The following ZNF440 variants were observed in gnomAD, a reference collection of about 807,000 sequenced individuals.
ZNF440 encodes zinc finger protein 440.
Under a neutral mutation model 49.7 loss-of-function variants are expected in ZNF440, and 47 were observed. The ratio of observed to expected loss-of-function variants is 0.95; its 90% CI spans 0.75 to 1.21. The LOEUF (loss-of-function observed/expected upper bound fraction) is 1.21, where lower values mean the gene tolerates loss of function less well. ZNF440 is among the 50% of genes most tolerant of loss of function. ZNF440 has a pLI of 0.00. For missense variants in ZNF440, 703 were observed against 715.0 expected (o/e 0.98, Z 0.19); for synonymous variants, 255 against 237.7 (o/e 1.07, Z -0.67).
At chr19:11,825,375 A>G (rs569432929) in intron 1 of ZNF440, among the ~76,000 whole-genome samples, 2 of 152,280 alleles carry the variant, frequency 1.3e-5, no homozygotes, top group East Asian at 3.9e-4. Context: ...ACTATGTGTC[A>G]TGTATCCACC....
At chr19:11,823,917 A>G (rs1975829193) in intron 1 of ZNF440, among the ~76,000 whole-genome samples, 1 of 152,120 alleles carries the variant, frequency 6.6e-6, no homozygotes, top group Non-Finnish European at 1.5e-5. Context: ...AGCCAAGATC[A>G]CACCACTGCA....
Position 11,831,902 on chromosome 19 carries a change from C to G in ZNF440, c.726C>G (p.Thr242=), listed in dbSNP as rs1326495518. The G allele has an allele frequency of 6.2e-6, 10 of 1,613,544 alleles. No individual in the cohort carries two copies. The change falls in exon 4 of 4, where the codon ACC becomes ACG. Residue 242 remains threonine, a synonymous_variant. Transcript: ENST00000304060. ...GTAAATCCTTTAGTTATTCTGCTACCCATCGAATACATAAAAGAACTCACA... is the reference window on the plus strand; with the variant it reads ...GTAAATCCTTTAGTTATTCTGCTACGCATCGAATACATAAAAGAACTCACA... The part of the protein sequence containing the change: ...QCGKSFSYSA[T]HRIHKRTHTG...
chr19:11,819,475 C>T (rs568105338), intron 1 of ZNF440, among the ~76,000 whole-genome samples: 6 of 152,204 alleles, frequency 3.9e-5, no homozygotes, highest in South Asian at 4.1e-4. Context: ...CTGGGCCCAC[C>T]GCAGCCTCTG....
At chr19:11,826,158 A>C (rs938368180) in intron 1 of ZNF440, among the ~76,000 whole-genome samples, 1 of 152,044 alleles carries the variant, frequency 6.6e-6, no homozygotes, top group Middle Eastern at 3.2e-3. Context: ...TATTGTACGG[A>C]TGTTACCATA....
rs558027434 is a variant in ZNF440 at position 11,833,376 on chromosome 19, A to G, written c.*412A>G. Reference sequence around the variant, plus strand: ...ATATCTGCCAAGATCCTTTGAATACATGCAAGAACACACAATGGAGAGAAA... The same window carrying G: ...ATATCTGCCAAGATCCTTTGAATACGTGCAAGAACACACAATGGAGAGAAA... On this transcript the variant is annotated 3_prime_UTR_variant, in exon 4 of 4. Transcript: ENST00000304060. 24 of 435,534 alleles carry G rather than the reference A, an allele frequency of 5.5e-5. No homozygotes were observed. In the East Asian group the frequency reaches 1.2e-3, roughly 22 times the overall value. 27.0% of individuals were successfully genotyped at this position (435,534 alleles called of 1,614,324 possible). A position where few individuals can be genotyped will look rare whatever the true frequency, so the allele number is the denominator to read the frequency against.
intron 1 of ZNF440, among the ~76,000 whole-genome samples, chr19:11,826,320 A>AT (rs34745315): frequency 2.5e-4 from 37 of 146,934 alleles, no homozygotes; most frequent in Non-Finnish European, 3.8e-4. Flanking sequence ...GACCTTATCT[A>AT]TTTTTTTTTT....
rs933494116 is a variant in ZNF440, at chr19:11,814,313, A to C, written c.-135A>C. ...CTTTAGTGCTGCGCCGACAGCGGTC[A>C]GGATCTCGGCTTTCTTGCTTCGAGA... On this transcript the variant is annotated 5_prime_UTR_variant, in exon 1 of 4. Transcript: ENST00000304060. 7 of 969,598 alleles carry C rather than the reference A, an allele frequency of 7.2e-6. No homozygotes were observed. In the East Asian group the frequency reaches 2.3e-4, roughly 32 times the overall value. 60.1% of individuals were successfully genotyped at this position (969,598 alleles called of 1,614,324 possible). A position where few individuals can be genotyped will look rare whatever the true frequency, so the allele number is the denominator to read the frequency against.
intron 3 of ZNF440, 124 bp downstream of exon 3, chr19:11,830,801 T>C: frequency 7.6e-7 from 1 of 1,320,096 alleles, no homozygotes; most frequent in South Asian, 1.4e-5. Context: ...TTAGAATATT[T>C]GATCAAAAAA....
At chr19:11,828,138 A>C (rs1162241857) in intron 1 of ZNF440, among the ~76,000 whole-genome samples, 1 of 152,170 alleles carries the variant, frequency 6.6e-6, no homozygotes, top group Admixed American at 6.5e-5. Flanking sequence ...CTAGGCATAA[A>C]TTGGTTAAGG....
At chr19:11,817,964 C>T (rs961645398) in intron 1 of ZNF440, among the ~76,000 whole-genome samples, 23 of 152,146 alleles carry the variant, frequency 1.5e-4, no homozygotes, top group Admixed American at 6.5e-5. Flanking sequence ...AATCCCAGCA[C>T]TTTGGGAGGC....
rs1568244150 is a variant in ZNF440, at chr19:11,832,051, CA to C, written c.876del (p.Phe293SerfsTer39). On this transcript the variant is annotated frameshift_variant, in exon 4 of 4. Transcript: ENST00000304060. LOFTEE classifies it high-confidence loss of function. ...TATCAATGTAAGGAATGTGGAAAAG[CA>C]TTCACGTGTCCCCGTTATGTTCGTA... The part of the protein sequence containing the change: ...KAYQCKECGK[A>X]FTCPRYVRIH... 3.1e-6 allele frequency: 5 copies of C among 1,614,054 alleles called. No individual in the cohort carries two copies. Among genetic ancestry groups the C allele is most frequent in the Middle Eastern group, 1.6e-4 (1 of 6,062 alleles).
intron 1 of ZNF440, chr19:11,830,059 G>A (rs368974621): frequency 2.3e-5 from 20 of 858,204 alleles, no homozygotes; most frequent in South Asian, 4.1e-5. Flanking sequence ...GCAGTGAGCC[G>A]AGATCATGCC....
chr19:11,814,466 C>A lies in ZNF440; in HGVS notation c.3+16C>A. The A allele has an allele frequency of 6.6e-7, 1 of 1,520,890 alleles. No homozygotes were observed. The highest frequency in any genetic ancestry group is 8.8e-7 in the Non-Finnish European group (1 of 1,135,264). 94.2% of individuals were successfully genotyped at this position (1,520,890 alleles called of 1,614,324 possible). A position where few individuals can be genotyped will look rare whatever the true frequency, so the allele number is the denominator to read the frequency against. On this transcript the variant is annotated intron_variant, in intron 1 of 3. Transcript: ENST00000304060. ...CCGAGAAATGGTGTGTGTGAGGGGG[C>A]TGGCGTCCGGGCGACTGGGAGAGGG...
Position 11,832,272 on chromosome 19 carries a change from A to G in ZNF440, c.1096A>G (p.Lys366Glu). 6.2e-7 allele frequency: 1 copy of G among 1,614,128 alleles called. No individual in the cohort carries two copies. Among genetic ancestry groups the G allele is most frequent in the Non-Finnish European group, 8.5e-7 (1 of 1,180,016 alleles). The change falls in exon 4 of 4, where the codon AAA becomes GAA. Residue 366 changes from lysine to glutamate, a missense_variant. Lys to Glu is a moderately conservative substitution (Grantham distance 56, BLOSUM62 1). Transcript: ENST00000304060. ...QRHEKIHSGEKPYKCKQCGKA... is the reference protein window; with the variant it reads ...QRHEKIHSGEEPYKCKQCGKA... ...ACATGAAAAAATTCACAGTGGAGAG[A>G]AACCCTATAAATGTAAGCAGTGTGG...
intron 1 of ZNF440, among the ~76,000 whole-genome samples, chr19:11,824,182 C>CAAAAAAAAAAAAAAAAA (rs200865473): frequency 1.5e-4 from 9 of 59,884 alleles, no homozygotes; most frequent in South Asian, 6.6e-4. Context: ...TACCCTGTTT[C>CAAAAAAAAAAAAAAAAA]AAAAAAAAAA....
chr19:11,827,221 G>T (rs944911902), intron 1 of ZNF440, among the ~76,000 whole-genome samples: 1 of 151,674 alleles, frequency 6.6e-6, no homozygotes, highest in Non-Finnish European at 1.5e-5. Flanking sequence ...ATGCCACCAG[G>T]CCCGGCTAAT....
intron 1 of ZNF440, among the ~76,000 whole-genome samples, chr19:11,818,572 G>A (rs1478593071): frequency 6.6e-6 from 1 of 151,740 alleles, no homozygotes; most frequent in Admixed American, 6.6e-5. Flanking sequence ...TATTATTATA[G>A]ACAATATCTT....
chr19:11,816,530 C>G (rs368073659), intron 1 of ZNF440: 1 of 151,766 alleles, frequency 6.6e-6, no homozygotes, highest in African/African-American at 2.4e-5. Flanking sequence ...ATAAGGAGAC[C>G]TGTCTCACCT....
At chr19:11,814,502 G>A (rs762275665) in intron 1 of ZNF440, 52 bp downstream of exon 1, 25 of 1,455,052 alleles carry the variant, frequency 1.7e-5, no homozygotes, top group Non-Finnish European at 2.0e-5. Flanking sequence ...GCTGGAATCG[G>A]CCGGAACCGG....
Sources: gnomAD v4.1 joint callset for allele counts (sites outside exome capture counted in the v4.1 genomes callset) on GRCh38, gnomAD v4.1.1 for gene constraint, MANE v1.5 for transcripts, NCBI Gene and HGNC (gene_info 2026-07-23, HGNC 2026-07-21) for gene names.